The following PDLIM4 variants were observed in gnomAD, a reference collection of about 807,000 sequenced individuals.
PDLIM4 encodes PDZ and LIM domain 4.
PDLIM4 carries 19 observed loss-of-function variants against 31.3 expected under a neutral mutation model. The observed-to-expected ratio is 0.61, with a 90% confidence interval of 0.42 to 0.89. PDLIM4 has a LOEUF of 0.89. PDLIM4 is among the 40% of genes least tolerant of loss of function. The pLI, the probability that PDLIM4 is intolerant of heterozygous loss-of-function variation, is 0.00. For synonymous variants in PDLIM4, 176 were observed against 190.1 expected (o/e 0.93, Z 0.61); for missense variants, 442 against 461.1 (o/e 0.96, Z 0.38).
chr5:132,261,426 G>A (rs1336050743), intron 1 of PDLIM4: 2 of 152,280 alleles, frequency 1.3e-5, no homozygotes, highest in African/African-American at 4.8e-5. Flanking sequence ...CTGAGACCTG[G>A]CTGAACTGAG....
intron 3 of PDLIM4, among the ~76,000 whole-genome samples, chr5:132,267,236 A>G (rs1477399908): frequency 6.6e-6 from 1 of 152,212 alleles, no homozygotes; most frequent in Non-Finnish European, 1.5e-5. Context: ...TGATGGAGCC[A>G]GAACCATGGG....
chr5:132,257,874 C>T lies in PDLIM4; in HGVS notation c.93+47C>T. ...CGGCAGGGCGGTCCCATGTCTGAGACCGGGTTCTCGCGGTCCGCCCGGGAC... is the reference window on the plus strand; with the variant it reads ...CGGCAGGGCGGTCCCATGTCTGAGATCGGGTTCTCGCGGTCCGCCCGGGAC... On this transcript the variant is annotated intron_variant, in intron 1 of 6. Transcript: ENST00000253754. The surrounding 1 kb of genome is among the most constrained non-coding windows in gnomAD (Gnocchi z 4.3). 3 of 1,162,816 alleles carry T rather than the reference C, an allele frequency of 2.6e-6. No homozygotes were observed. Among genetic ancestry groups the T allele is most frequent in the Non-Finnish European group, 3.5e-6 (3 of 857,486 alleles). 72.0% of individuals were successfully genotyped at this position (1,162,816 alleles called of 1,614,324 possible).
chr5:132,271,746 C>T (rs774518585), intron 5 of PDLIM4, 45 bp from the exon 6 acceptor site: 4 of 1,324,052 alleles, frequency 3.0e-6, no homozygotes, highest in South Asian at 2.3e-5. Flanking sequence ...AAATGGAGTT[C>T]TGACCTCCTC....
At chr5:132,271,606 C>T in intron 5 of PDLIM4, 140 bp downstream of exon 5, 1 of 1,022,150 alleles carries the variant, frequency 9.8e-7, no homozygotes, top group Non-Finnish European at 1.5e-6. Flanking sequence ...CTTGCTACAA[C>T]CTTGCTACGC....
In PDLIM4 at chr5:132,257,727, A is replaced by C. The variant is rs1561518849; in HGVS notation, c.-8A>C. On this transcript the variant is annotated 5_prime_UTR_variant, in exon 1 of 7. Transcript: ENST00000253754. This position sits in a 1 kb window ranked among gnomAD's most constrained non-coding sequence, Gnocchi z 4.3. ...CGGCTCAGGCTCCGGCTGCGGCTCC[A>C]GCCCGCGATGCCCCATTCCGTGACC... The C allele has an allele frequency of 1.4e-6, 2 of 1,464,504 alleles. No homozygotes were observed. The highest frequency in any genetic ancestry group is 1.8e-6 in the Non-Finnish European group (2 of 1,109,744). The allele number at this position is 1,464,504 out of a possible 1,614,324, so 90.7% of individuals were successfully genotyped here. A position where few individuals can be genotyped will look rare whatever the true frequency, so the allele number is the denominator to read the frequency against.
chr5:132,266,054 G>A (rs907429626), intron 2 of PDLIM4, among the ~76,000 whole-genome samples: 2 of 152,174 alleles, frequency 1.3e-5, no homozygotes, highest in Non-Finnish European at 2.9e-5. Context: ...CCCCACCAGA[G>A]GCTGTAGATG....
At chr5:132,258,022 G>A (rs1282523581) in intron 1 of PDLIM4, among the ~76,000 whole-genome samples, 195 bp downstream of exon 1, 1 of 152,192 alleles carries the variant, frequency 6.6e-6, no homozygotes, top group East Asian at 1.9e-4. Context: ...CGCTGGGCCT[G>A]TCTGCCCGAT....
chr5:132,267,899 A>G (rs1255178373), intron 3 of PDLIM4, among the ~76,000 whole-genome samples: 3 of 152,180 alleles, frequency 2.0e-5, no homozygotes. Flanking sequence ...GTAGGGGTAC[A>G]TGTTGCCATA....
intron 3 of PDLIM4, among the ~76,000 whole-genome samples, chr5:132,270,229 T>A (rs1373861948): frequency 6.6e-6 from 1 of 152,032 alleles, no homozygotes; most frequent in Non-Finnish European, 1.5e-5. Flanking sequence ...GGCTGTGGGG[T>A]AGTGGGGCAG....
At chr5:132,266,008 C>T (rs1017339562) in intron 2 of PDLIM4, among the ~76,000 whole-genome samples, 7 of 152,188 alleles carry the variant, frequency 4.6e-5, no homozygotes, top group African/African-American at 1.7e-4. Flanking sequence ...GCCTCCATTC[C>T]ACCTACCCCA....
chr5:132,271,525 C>A (rs2126680792), intron 5 of PDLIM4, 59 bp downstream of exon 5: 1 of 1,556,702 alleles, frequency 6.4e-7, no homozygotes. Flanking sequence ...GCCCAGGTTG[C>A]CCCCTAGCGA....
At chr5:132,262,564 A>G (rs1756398051) in intron 1 of PDLIM4, 45 bp from the exon 2 acceptor site, 2 of 1,534,626 alleles carry the variant, frequency 1.3e-6, no homozygotes, top group East Asian at 2.4e-5. Context: ...TTGCAGCAAG[A>G]CCATATCATG....
chr5:132,259,073 C>T (rs1472210275), intron 1 of PDLIM4, among the ~76,000 whole-genome samples: 1 of 151,980 alleles, frequency 6.6e-6, no homozygotes, highest in Middle Eastern at 3.2e-3. Flanking sequence ...TCCCTGGGGC[C>T]GAGTGAGGTG....
chr5:132,261,699 A>G (rs10463891), intron 1 of PDLIM4, among the ~76,000 whole-genome samples: 90,438 of 151,900 alleles, frequency 0.6, 27,576 homozygotes, highest in Non-Finnish European at 0.64. Flanking sequence ...AAGAGCTTCC[A>G]GGTGTGAACA....
intron 3 of PDLIM4, among the ~76,000 whole-genome samples, chr5:132,268,010 G>A (rs1057422646): frequency 1.3e-5 from 2 of 152,186 alleles, no homozygotes; most frequent in Admixed American, 6.5e-5. Flanking sequence ...AGGTAGCAGT[G>A]CCAGGATGAC....
At position 132,272,708 on chromosome 5, in the gene PDLIM4, C is replaced by G. The variant is rs1561524896; in HGVS notation, c.*479C>G. ...CCTCTGTGGCCGTCATCGGCACTAGCGGGTTGGGGGTGGTGGTGGGGTGCT... is the reference window on the plus strand; with the variant it reads ...CCTCTGTGGCCGTCATCGGCACTAGGGGGTTGGGGGTGGTGGTGGGGTGCT... On this transcript the variant is annotated 3_prime_UTR_variant, in exon 7 of 7. Coordinates refer to ENST00000253754, the MANE Select transcript of PDLIM4 (RefSeq NM_003687.4). 2 of 210,176 alleles carry G rather than the reference C, an allele frequency of 9.5e-6. No homozygotes were observed. The highest frequency in any genetic ancestry group is 2.0e-5 in the Non-Finnish European group (2 of 101,804). The allele number at this position is 210,176 out of a possible 1,614,324, so 13.0% of individuals were successfully genotyped here. A position where few individuals can be genotyped will look rare whatever the true frequency, so the allele number is the denominator to read the frequency against.
chr5:132,266,549 T>C lies in PDLIM4; in HGVS notation c.327+4T>C. On this transcript the variant is annotated splice_donor_region_variant and intron_variant, in intron 3 of 6. Transcript: ENST00000253754. ...CCACATCGATCCTGAGATCCAGGTA[T>C]GTACAGACACTGCCTGGCCTGGCCT... 6.2e-7 allele frequency: 1 copy of C among 1,605,266 alleles called. No individual in the cohort carries two copies. The highest frequency in any genetic ancestry group is 8.5e-7 in the Non-Finnish European group (1 of 1,172,468).
In PDLIM4 at chr5:132,271,872, G is replaced by T; in HGVS notation, c.752G>T (p.Gly251Val). The change falls in exon 6 of 7, where the codon GGG (glycine) becomes GTG (valine). Residue 251 changes from glycine (G) to valine (V), a missense_variant. Coordinates refer to ENST00000253754, the MANE Select transcript of PDLIM4 (RefSeq NM_003687.4). ...KLGAPLSGLQGLPECTRCGHG... is the reference protein window; with the variant it reads ...KLGAPLSGLQVLPECTRCGHG... ...GGCGCTCCGCTGAGCGGCCTGCAGGGGCTGCCCGAGTGCACGCGCTGCGGC... is the reference window on the plus strand; with the variant it reads ...GGCGCTCCGCTGAGCGGCCTGCAGGTGCTGCCCGAGTGCACGCGCTGCGGC... The T allele has an allele frequency of 6.2e-7, 1 of 1,610,712 alleles. No individual in the cohort carries two copies. The highest frequency in any genetic ancestry group is 8.5e-7 in the Non-Finnish European group (1 of 1,178,404).
chr5:132,264,516 C>T (rs976441753), intron 2 of PDLIM4, among the ~76,000 whole-genome samples: 3 of 152,118 alleles, frequency 2.0e-5, no homozygotes, highest in African/African-American at 2.4e-5. Flanking sequence ...GACCATCTTG[C>T]GCTCTGGACA....
Sources: gnomAD v4.1 joint callset for allele counts (sites outside exome capture counted in the v4.1 genomes callset) on GRCh38, gnomAD v4.1.1 for gene constraint, Gnocchi (gnomAD v3.1) non-coding constraint, MANE v1.5 for transcripts, NCBI Gene and HGNC (gene_info 2026-07-23, HGNC 2026-07-21) for gene names.